Variants in LILRB3 observed in about 807,000 individuals in gnomAD.
LILRB3 encodes the protein leukocyte immunoglobulin like receptor B3, also known as leukocyte immunoglobulin-like receptor subfamily B member 3.
A neutral mutation model predicts 68.2 loss-of-function variants in LILRB3; 32 were observed. That is an observed-to-expected ratio of 0.47 (90% CI 0.35 to 0.63). The LOEUF is 0.63. LILRB3 is among the 30% of genes least tolerant of loss of function. The pLI, the probability that LILRB3 is intolerant of heterozygous loss-of-function variation, is 0.00. For synonymous variants in LILRB3, 185 were observed against 323.1 expected, an observed-to-expected ratio of 0.57 and a Z score of 4.58; for missense variants, 502 against 791.3, an observed-to-expected ratio of 0.63 and a Z score of 4.39.
intron 10 of LILRB3, 113 bp from the exon 11 acceptor site, chr19:54,218,526 G>A: frequency 6.2e-7 from 1 of 1,602,970 alleles, no homozygotes; most frequent in Non-Finnish European, 8.5e-7. Flanking sequence ...GTCCCACAGT[G>A]TGGGGCAAGA....
At chr19:54,219,401 C>A in intron 7 of LILRB3, 156 bp from the exon 8 acceptor site, 1 of 1,468,004 alleles carries the variant, frequency 6.8e-7, no homozygotes, top group Non-Finnish European at 9.3e-7. Flanking sequence ...CACAGATGCA[C>A]AAACTGAGGC....
chr19:54,221,871 C>CTG lies in LILRB3; in HGVS notation c.614_615insCA (p.Trp205CysfsTer25). The CTG allele has an allele frequency of 1.3e-6, 2 of 1,529,810 alleles. 1 individual carries two copies. Among genetic ancestry groups the CTG allele is most frequent in the Non-Finnish European group, 1.8e-6 (2 of 1,121,852 alleles). 94.8% of individuals were successfully genotyped at this position (1,529,810 alleles called of 1,614,324 possible). A position where few individuals can be genotyped will look rare whatever the true frequency, so the allele number is the denominator to read the frequency against. On this transcript the variant is annotated frameshift_variant, in exon 4 of 13. Coordinates refer to ENST00000445347, the Ensembl canonical transcript of LILRB3. LOFTEE classifies it high-confidence loss of function. The stretch of plus-strand genomic sequence containing the variant: ...GGGGGTCACTGGGGTGGGACCACAC[C>CTG]CAGGGGGTGTTTGTATAATAGTAAT...
chr19:54,217,721 G>A (rs2077629271), intron 11 of LILRB3: 1 of 723,506 alleles, frequency 1.4e-6, no homozygotes, highest in South Asian at 1.9e-5. Flanking sequence ...GCTGCCTGGG[G>A]GCCTTTGCAC....
chr19:54,219,329 C>T (rs1156667912), intron 7 of LILRB3, 84 bp from the exon 8 acceptor site: 42 of 1,491,206 alleles, frequency 2.8e-5, no homozygotes, highest in Middle Eastern at 1.7e-4. Flanking sequence ...GTCTTTCCTT[C>T]GTGACCTCCA....
chr19:54,220,560 A>T (rs1132606), exon 6 of LILRB3: 236,173 of 1,243,500 alleles, frequency 0.19, 24,957 homozygotes, highest in African/African-American at 0.39. Flanking sequence ...CTCACTGGGG[A>T]AAGACAGCAG....
chr19:54,217,301 G>A lies in LILRB3; in HGVS notation c.1749+18C>T, dbSNP rs1274874129. On this transcript the variant is annotated intron_variant, in intron 12 of 12. Coordinates refer to ENST00000445347, the Ensembl canonical transcript of LILRB3. ...GGGGGTGGGGGAGGCCTGGGGGCCT[G>A]GAGAGGAAAGGACTCACCTCAGTGT... The A allele has an allele frequency of 1.3e-6, 2 of 1,590,114 alleles. No homozygotes were observed. The highest frequency in any genetic ancestry group is 1.7e-6 in the Non-Finnish European group (2 of 1,166,992).
Position 54,218,799 on chromosome 19 carries a change from G to A in LILRB3, c.1466C>T (p.Ala489Val), listed in dbSNP as rs61734491. The stretch of plus-strand genomic sequence containing the variant: ...GCCCCTGTCCTTGGGCTCTGTCTCC[G>A]CAGCCCCTGCAGGACGCTGGAAATC... Residue 489 changes from alanine to valine, a missense_variant, in exon 9 of 13, where the codon GCG becomes GTG. Ala to Val is a moderately conservative substitution (Grantham distance 64, BLOSUM62 0). This residue lies in a region of LILRB3 where 267 missense variants were observed against 245.5 expected (regional missense o/e 1.09). Transcript: ENST00000445347. 690 of 1,614,078 alleles carry A rather than the reference G, an allele frequency of 4.3e-4. 3 individuals carry two copies. In the African/African-American group the frequency reaches 8.0e-3, roughly 19 times the overall value.
At chr19:54,218,676 G>T in exon 10 of LILRB3, 2 of 1,614,218 alleles carry the variant, frequency 1.2e-6, no homozygotes, top group East Asian at 2.2e-5. Flanking sequence ...CAGCAGCTGG[G>T]CTGGACCTGG....
Position 54,217,110 on chromosome 19 carries a change from T to G in LILRB3, c.1879A>C (p.Thr627Pro), listed in dbSNP as rs1422663294. The G allele has an allele frequency of 4.3e-6, 7 of 1,613,908 alleles. 1 individual carries two copies. Among genetic ancestry groups the G allele is most frequent in the Admixed American group, 3.3e-5 (2 of 59,982 alleles). Residue 627 changes from threonine to proline, a missense_variant, in exon 13 of 13, where the codon ACT (threonine) becomes CCT (proline). This residue lies in a region of LILRB3 where 267 missense variants were observed against 245.5 expected (regional missense o/e 1.09). Transcript: ENST00000445347. ...CCCCCGGGCTAGTGGATGGCCAGAG[T>G]GGCGTAGATGCTGGGCTCAGCTGGA...
intron 7 of LILRB3, 108 bp from the exon 8 acceptor site, chr19:54,219,353 G>C: frequency 1.4e-6 from 2 of 1,475,176 alleles, no homozygotes; most frequent in Middle Eastern, 3.4e-4. Flanking sequence ...CTCACAAGCA[G>C]TCGTGCAACA....
In LILRB3 at chr19:54,220,170, G is replaced by C. The variant is rs1305671173; in HGVS notation, c.1294C>G (p.Pro432Ala). 3.3e-6 allele frequency: 5 copies of C among 1,500,160 alleles called. No individual in the cohort carries two copies. In the South Asian group the frequency reaches 6.1e-5, roughly 18 times the overall value. The allele number at this position is 1,500,160 out of a possible 1,614,324, so 92.9% of individuals were successfully genotyped here. The stretch of plus-strand genomic sequence containing the variant: ...AGTGACTCACCAGGTGTGGAGGGCG[G>C]CCCTGTGGGTGGGAGGCTGGAGCCT... Residue 432 changes from proline (P) to alanine (A), a missense_variant, in exon 7 of 13, where the codon CCG (proline) becomes GCG (alanine). Pro to Ala is a conservative substitution (Grantham distance 27, BLOSUM62 -1). This residue lies in a region of LILRB3 where 23 missense variants were observed against 59.2 expected (regional missense o/e 0.39). Transcript: ENST00000445347.
intron 10 of LILRB3, 56 bp from the exon 11 acceptor site, chr19:54,218,469 G>C (rs1357134313): frequency 1.9e-6 from 3 of 1,610,912 alleles, no homozygotes; most frequent in African/African-American, 2.7e-5. Flanking sequence ...TCTCAGTCCT[G>C]CTGGCCCCCT....
rs145192800 is a variant in LILRB3, at chr19:54,217,321, C to A, written c.1747G>T (p.Glu583Ter). The A allele has an allele frequency of 1.3e-6, 2 of 1,588,898 alleles. No homozygotes were observed. The highest frequency in any genetic ancestry group is 2.2e-5 in the South Asian group (2 of 90,678). ...GGCCTGGAGAGGAAAGGACTCACCT[C>A]AGTGTCCATCTGCCTGTCCTCTTCC... Residue 583 changes from glutamate to a stop codon, truncating the protein, a stop_gained and splice_region_variant, in exon 12 of 13, where the codon GAG (glutamate) becomes TAG (stop). Transcript: ENST00000445347. LOFTEE classifies it low-confidence loss of function (END_TRUNC).
chr19:54,219,377 C>T (rs534901740), intron 7 of LILRB3, 132 bp from the exon 8 acceptor site: 13 of 1,452,244 alleles, frequency 9.0e-6, no homozygotes, highest in South Asian at 5.0e-5. Context: ...AATTGCCACC[C>T]GTACAACCCA....
At position 54,217,101 on chromosome 19, in the gene LILRB3, T is replaced by C; in HGVS notation, c.1888A>G (p.Ile630Val). 6.2e-7 allele frequency: 1 copy of C among 1,614,148 alleles called. No homozygotes were observed. Among genetic ancestry groups the C allele is most frequent in the Non-Finnish European group, 8.5e-7 (1 of 1,180,014 alleles). ...TCTGCGTACCCCCCGGGCTAGTGGA[T>C]GGCCAGAGTGGCGTAGATGCTGGGC... The change falls in exon 13 of 13, where the codon ATC becomes GTC. Residue 630 changes from isoleucine to valine, a missense_variant. By Grantham distance (29) the Ile-to-Val change is conservative. Around this residue, in one of 8 missense-constraint regions of LILRB3, gnomAD observed 267 missense variants for 245.5 expected, o/e 1.09. Transcript: ENST00000445347.
Position 54,220,543 on chromosome 19 carries a change from C to A in LILRB3, c.1243G>T (p.Glu415Ter), listed in dbSNP as rs1258510939. ...GCGCCCTCACCTGAGACCATGAGTT[C>A]CAGGGGCTCACTGGGGAAAGACAGC... is the stretch of plus-strand genomic sequence containing the variant. The change falls in exon 6 of 13, where the codon GAA becomes TAA. Residue 415 changes from glutamate (E) to a stop codon, truncating the protein, a stop_gained. Coordinates refer to ENST00000445347, the Ensembl canonical transcript of LILRB3. LOFTEE classifies it high-confidence loss of function. 7.3e-7 allele frequency: 1 copy of A among 1,366,286 alleles called. No homozygotes were observed. The highest frequency in any genetic ancestry group is 1.0e-6 in the Non-Finnish European group (1 of 1,003,968). The allele number at this position is 1,366,286 out of a possible 1,614,324, so 84.6% of individuals were successfully genotyped here.
exon 13 of LILRB3, chr19:54,217,004 G>A: frequency 1.2e-6 from 2 of 1,605,796 alleles, no homozygotes; most frequent in Non-Finnish European, 1.7e-6. Flanking sequence ...GCTGACTGGG[G>A]TTCACTGGTG....
At chr19:54,220,507 G>A (rs199865602) in intron 6 of LILRB3, 21 bp downstream of exon 6, 139,377 of 1,305,126 alleles carry the variant, frequency 0.11, 9,997 homozygotes, top group South Asian at 0.27. Context: ...AGCTCAGAGA[G>A]GACGGGGTCA....
chr19:54,222,133 A>T lies in LILRB3; in HGVS notation c.356-3T>A. 1 of 1,607,296 alleles carries T rather than the reference A, an allele frequency of 6.2e-7. No individual in the cohort carries two copies. Among genetic ancestry groups the T allele is most frequent in the Non-Finnish European group, 8.5e-7 (1 of 1,178,696 alleles). On this transcript the variant is annotated splice_region_variant and splice_polypyrimidine_tract_variant and intron_variant, in intron 3 of 12. Coordinates refer to ENST00000445347, the Ensembl canonical transcript of LILRB3. ...GAGGGTGGGTTTGTTGTAGAATCCTAGGAGAGAAAGAGGCACCGTGTTAAA... is the reference window on the plus strand; with the variant it reads ...GAGGGTGGGTTTGTTGTAGAATCCTTGGAGAGAAAGAGGCACCGTGTTAAA...
Sources: gnomAD v4.1 joint callset for allele counts on GRCh38, gnomAD v4.1.1 for gene constraint, gnomAD v4.1.1 regional missense constraint, MANE v1.5 for transcripts, NCBI Gene and HGNC (gene_info 2026-07-23, HGNC 2026-07-21) for gene names.